The following ABCA13 variants were observed in gnomAD, a reference collection of about 807,000 sequenced individuals.
ABCA13 encodes ATP-binding cassette sub-family A member 13.
ABCA13 carries 476 observed loss-of-function variants against 478.7 expected under a neutral mutation model. The observed-to-expected ratio is 0.99, with a 90% confidence interval of 0.92 to 1.07. The LOEUF is 1.07. ABCA13 is among the 50% of genes least tolerant of loss of function. ABCA13 has a pLI of 0.00. For missense variants in ABCA13, 6,060 were observed against 5,910.6 expected (o/e 1.03, Z -0.83); for synonymous variants, 2,252 against 2,158.9 (o/e 1.04, Z -1.20).
At chr7:48,601,985 T>C (rs1394434740) in intron 58 of ABCA13, among the ~76,000 whole-genome samples, 1 of 152,200 alleles carries the variant, frequency 6.6e-6, no homozygotes, top group Non-Finnish European at 1.5e-5. Flanking sequence ...GATGATGAGC[T>C]TTTTTTCATA....
At chr7:48,377,327 A>ATT (rs1278060995) in intron 35 of ABCA13, among the ~76,000 whole-genome samples, 1 of 152,038 alleles carries the variant, frequency 6.6e-6, no homozygotes, top group Admixed American at 6.6e-5. Context: ...TACTTATTTT[A>ATT]TTTTTTAGAG....
chr7:48,587,077 G>C lies in ABCA13; in HGVS notation c.14506-77G>C. The C allele has an allele frequency of 4.4e-6, 7 of 1,585,094 alleles. No individual in the cohort carries two copies. The South Asian group carries it at 8.0e-5, about 18-fold the overall frequency. ...CAGGGTTAGTGGGAGGTAGAAGCAGGAATGAGGACTGAGACCAGCTGTCTG... is the reference window on the plus strand; with the variant it reads ...CAGGGTTAGTGGGAGGTAGAAGCAGCAATGAGGACTGAGACCAGCTGTCTG... On this transcript the variant is annotated intron_variant, in intron 56 of 61. Coordinates refer to ENST00000435803, the MANE Select transcript of ABCA13 (RefSeq NM_152701.5).
intron 19 of ABCA13, among the ~76,000 whole-genome samples, chr7:48,283,746 A>G (rs1280469704): frequency 1.3e-5 from 2 of 152,108 alleles, no homozygotes; most frequent in Admixed American, 1.3e-4. Context: ...CACCTTCATG[A>G]CTGGTAAGGC....
At chr7:48,498,177 C>T (rs923796554) in intron 48 of ABCA13, among the ~76,000 whole-genome samples, 42 of 152,194 alleles carry the variant, frequency 2.8e-4, no homozygotes, top group African/African-American at 1.0e-3. Context: ...GGAAGATTCA[C>T]TACCCAATGG....
chr7:48,191,468 G>A (rs576437521), intron 1 of ABCA13, among the ~76,000 whole-genome samples: 5 of 152,304 alleles, frequency 3.3e-5, no homozygotes, highest in African/African-American at 1.2e-4. Flanking sequence ...GTGTGGTGCA[G>A]TCTCGACTCA....
At chr7:48,588,827 A>G (rs1027067158) in intron 57 of ABCA13, among the ~76,000 whole-genome samples, 3 of 152,222 alleles carry the variant, frequency 2.0e-5, no homozygotes, top group African/African-American at 7.2e-5. Flanking sequence ...TGGAGTTCTC[A>G]ACAGAGAGAC....
chr7:48,186,325 T>C (rs900232602), intron 1 of ABCA13, among the ~76,000 whole-genome samples: 2 of 152,112 alleles, frequency 1.3e-5, no homozygotes, highest in African/African-American at 4.8e-5. Flanking sequence ...GGTATACAAT[T>C]CTAGATTGAC....
chr7:48,545,825 TG>T (rs1182188096), intron 55 of ABCA13, among the ~76,000 whole-genome samples: 4 of 149,224 alleles, frequency 2.7e-5, no homozygotes, highest in African/African-American at 9.9e-5. Flanking sequence ...AAACAAATGA[TG>T]TACTGCTAAT....
At chr7:48,304,614 A>C (rs751347979) in intron 23 of ABCA13, among the ~76,000 whole-genome samples, 4 of 152,072 alleles carry the variant, frequency 2.6e-5, no homozygotes, top group African/African-American at 4.8e-5. Flanking sequence ...GAGGGGGACT[A>C]CCAGATGGGG....
intron 58 of ABCA13, among the ~76,000 whole-genome samples, chr7:48,595,283 G>T (rs1052012366): frequency 7.2e-5 from 11 of 152,132 alleles, no homozygotes; most frequent in Admixed American, 1.3e-4. Context: ...CAAAACCATT[G>T]GCTTCTTTTT....
intron 58 of ABCA13, among the ~76,000 whole-genome samples, chr7:48,595,800 A>G (rs1790226038): frequency 6.6e-6 from 1 of 152,164 alleles, no homozygotes; most frequent in Non-Finnish European, 1.5e-5. Flanking sequence ...GTTGTTTGCT[A>G]CTAGCATAAC....
intron 41 of ABCA13, among the ~76,000 whole-genome samples, chr7:48,419,816 T>G (rs901826511): frequency 5.9e-5 from 9 of 152,206 alleles, no homozygotes; most frequent in African/African-American, 2.2e-4. Flanking sequence ...ACACGGACGC[T>G]AAGAAAGAAA....
intron 37 of ABCA13, among the ~76,000 whole-genome samples, chr7:48,389,529 A>G (rs1245061782): frequency 1.3e-5 from 2 of 152,186 alleles, no homozygotes; most frequent in Non-Finnish European, 2.9e-5. Flanking sequence ...TTAGTCTTTG[A>G]AAGTCCTTTG....
rs1351893895 is a variant in ABCA13 at position 48,273,076 on chromosome 7, T to G, written c.3410T>G (p.Val1137Gly). ...TCAAACCTCTCAGCAAATGTCAGTG[T>G]GTTCAACAAGTTTATGTCCATTCAC... is the stretch of plus-strand genomic sequence containing the variant. ...IFSNLSANVSVFNKFMSIHCT... is the reference protein window; with the variant it reads ...IFSNLSANVSGFNKFMSIHCT... Residue 1137 changes from valine to glycine, a missense_variant, in exon 17 of 62, where the codon GTG becomes GGG. Transcript: ENST00000435803. 1 of 1,613,698 alleles carries G rather than the reference T, an allele frequency of 6.2e-7. No individual in the cohort carries two copies. The highest frequency in any genetic ancestry group is 8.5e-7 in the Non-Finnish European group (1 of 1,179,740).
At chr7:48,505,215 A>G (rs58054917) in intron 48 of ABCA13, among the ~76,000 whole-genome samples, 20,848 of 152,062 alleles carry the variant, frequency 0.14, 1,829 homozygotes, top group African/African-American at 0.23. Flanking sequence ...TGAGTTCCCA[A>G]TAGAAGGAAA....
intron 23 of ABCA13, among the ~76,000 whole-genome samples, chr7:48,308,097 G>A (rs772372096): frequency 6.6e-6 from 1 of 151,894 alleles, no homozygotes; most frequent in African/African-American, 2.4e-5. Context: ...TATTCTATAA[G>A]CTTTTTTCTA....
intron 59 of ABCA13, among the ~76,000 whole-genome samples, chr7:48,625,484 A>G (rs1793581837): frequency 6.6e-6 from 1 of 152,158 alleles, no homozygotes; most frequent in Non-Finnish European, 1.5e-5. Flanking sequence ...GCTGCTACTA[A>G]CCACTGAATT....
At chr7:48,298,955 G>A (rs937645204) in intron 23 of ABCA13, among the ~76,000 whole-genome samples, 37 of 152,140 alleles carry the variant, frequency 2.4e-4, no homozygotes, top group African/African-American at 8.7e-4. Flanking sequence ...CACTGTGAAC[G>A]CAAATGAGTA....
intron 59 of ABCA13, among the ~76,000 whole-genome samples, chr7:48,628,042 C>T (rs941270448): frequency 2.4e-4 from 37 of 152,214 alleles, no homozygotes; most frequent in African/African-American, 6.3e-4. Flanking sequence ...ACCTGAACTT[C>T]GGGGGGACAC....
Sources: allele counts gnomAD v4.1 joint callset (sites outside exome capture counted in the v4.1 genomes callset), GRCh38; gene constraint gnomAD v4.1.1; transcripts MANE v1.5; gene names NCBI Gene and HGNC (gene_info 2026-07-23, HGNC 2026-07-21).